Variants in LIMCH1 observed in about 807,000 individuals in gnomAD.
LIMCH1 encodes the protein LIM and calponin homology domains 1, also known as LIM and calponin homology domains-containing protein 1.
A neutral mutation model predicts 176.5 loss-of-function variants in LIMCH1; 113 were observed. The ratio of observed to expected loss-of-function variants is 0.64; its 90% confidence interval spans 0.55 to 0.75. The LOEUF (loss-of-function observed/expected upper bound fraction) is 0.75, where lower values mean the gene tolerates loss of function less well. Ranked by LOEUF, LIMCH1 falls within the 30% of genes least tolerant of loss-of-function variation. The pLI is 0.00. For synonymous variants in LIMCH1, 619 were observed against 645.9 expected (o/e 0.96, Z 0.63); for missense variants, 1,674 against 1,814.9 (o/e 0.92, Z 1.41).
intron 1 of LIMCH1, among the ~76,000 whole-genome samples, chr4:41,363,271 G>A (rs2052428337): frequency 6.6e-6 from 1 of 152,158 alleles, no homozygotes; most frequent in African/African-American, 2.4e-5. Context: ...TAGGGGCAGT[G>A]AATCCCCGGG....
In LIMCH1 at chr4:41,441,046, T is replaced by A. The variant is rs144458941; in HGVS notation, c.97-53490T>A. Reference sequence around the variant, plus strand: ...CTGTTTCATGGTATGGAGATCTCTTTCCCTTGGTATTGCATGTGTAGGTAT... The same window carrying A: ...CTGTTTCATGGTATGGAGATCTCTTACCCTTGGTATTGCATGTGTAGGTAT... On this transcript the variant is annotated intron_variant, in intron 1 of 26. Coordinates refer to the LIMCH1 transcript ENST00000313860. Among the ~76,000 whole-genome samples, 322 of 152,302 alleles carry A rather than the reference T, an allele frequency of 2.1e-3. 1 individual carries two copies. Among genetic ancestry groups the A allele is most frequent in the African/African-American group, 7.0e-3 (290 of 41,556 alleles).
At chr4:41,439,369 T>A (rs2154140494) in intron 1 of LIMCH1, among the ~76,000 whole-genome samples, 1 of 152,294 alleles carries the variant, frequency 6.6e-6, no homozygotes, top group East Asian at 1.9e-4. Context: ...ATGGATCGCT[T>A]GAGCCCAGGA....
chr4:41,612,935 T>C (rs2091617811), intron 4 of LIMCH1: 2 of 1,498,996 alleles, frequency 1.3e-6, no homozygotes, highest in Admixed American at 2.3e-5. Flanking sequence ...TAGCAGGAGA[T>C]GAACGCGTGC....
intron 23 of LIMCH1, among the ~76,000 whole-genome samples, chr4:41,676,933 T>G (rs2095237176): frequency 6.6e-6 from 1 of 151,926 alleles, no homozygotes; most frequent in African/African-American, 2.4e-5. Flanking sequence ...GAGGCCGATG[T>G]GAGTGCATCA....
chr4:41,630,043 G>A (rs1388530665), intron 9 of LIMCH1, among the ~76,000 whole-genome samples: 1 of 151,910 alleles, frequency 6.6e-6, no homozygotes, highest in African/African-American at 2.4e-5. Context: ...TGGGCTCAAG[G>A]GATCCTCCCA....
At chr4:41,542,693 T>C (rs1444231623) in intron 1 of LIMCH1, among the ~76,000 whole-genome samples, 2 of 152,190 alleles carry the variant, frequency 1.3e-5, no homozygotes, top group Non-Finnish European at 2.9e-5. Context: ...CACGTTGATA[T>C]TTCAATTGTT....
chr4:41,564,562 C>G (rs1295766085), intron 1 of LIMCH1, among the ~76,000 whole-genome samples: 2 of 151,990 alleles, frequency 1.3e-5, no homozygotes, highest in African/African-American at 4.8e-5. Flanking sequence ...GGATATGATC[C>G]CTGTTTTGTC....
intron 7 of LIMCH1, 103 bp downstream of exon 7, chr4:41,620,793 G>A (rs1051491825): frequency 3.4e-5 from 45 of 1,309,322 alleles, no homozygotes; most frequent in Non-Finnish European, 3.7e-5. Flanking sequence ...TCCACTTCCC[G>A]CTTTTCCTAT....
intron 1 of LIMCH1, among the ~76,000 whole-genome samples, chr4:41,581,112 G>GTCTATCTATCTATCTATCTATCTA (rs1554109824): frequency 5.5e-4 from 73 of 132,986 alleles, no homozygotes; most frequent in Middle Eastern, 3.8e-3. Context: ...CTGTCTGTCT[G>GTCTATCTATCTATCTATCTATCTA]TCTATCTATC....
chr4:41,533,412 A>G (rs528590957), upstream of LIMCH1, among the ~76,000 whole-genome samples: 8 of 152,330 alleles, frequency 5.3e-5, no homozygotes, highest in Non-Finnish European at 8.8e-5. Context: ...GTATCCGTCT[A>G]TTGAGCAGCC....
chr4:41,634,142 G>T (rs2093463138), intron 13 of LIMCH1, among the ~76,000 whole-genome samples: 1 of 152,174 alleles, frequency 6.6e-6, no homozygotes, highest in African/African-American at 2.4e-5. Flanking sequence ...TTGATTCCAG[G>T]TCCAAAGAAG....
chr4:41,626,415 A>T (rs2092955016), intron 7 of LIMCH1, among the ~76,000 whole-genome samples: 1 of 152,172 alleles, frequency 6.6e-6, no homozygotes, highest in Non-Finnish European at 1.5e-5. Context: ...AATTTCATGC[A>T]AAGAATCTGC....
chr4:41,610,962 C>T (rs773607440), intron 4 of LIMCH1, among the ~76,000 whole-genome samples: 1 of 152,128 alleles, frequency 6.6e-6, no homozygotes, highest in Non-Finnish European at 1.5e-5. Context: ...TGAGCAAAGA[C>T]GTAACTCTGA....
At chr4:41,450,374 A>G (rs547235806) in intron 1 of LIMCH1, among the ~76,000 whole-genome samples, 2 of 152,290 alleles carry the variant, frequency 1.3e-5, no homozygotes, top group South Asian at 2.1e-4. Context: ...GGTAAATCAC[A>G]TTAGGGAAGG....
chr4:41,535,180 A>AAAAAAG (rs2077763380), upstream of LIMCH1, among the ~76,000 whole-genome samples: 1 of 142,390 alleles, frequency 7.0e-6, no homozygotes, highest in African/African-American at 2.8e-5. Flanking sequence ...AAAAAAAAAA[A>AAAAAAG]AAAAGAAAAG....
chr4:41,588,153 T>G (rs1377172305), intron 1 of LIMCH1, among the ~76,000 whole-genome samples: 1 of 152,104 alleles, frequency 6.6e-6, no homozygotes, highest in Non-Finnish European at 1.5e-5. Flanking sequence ...TTCTCATTGT[T>G]CAATTCCCAC....
chr4:41,501,970 T>C (rs1168995262), intron 2 of LIMCH1, among the ~76,000 whole-genome samples: 1 of 149,866 alleles, frequency 6.7e-6, no homozygotes. Context: ...ATGTGTGCCA[T>C]GGTGGTTTGC....
intron 1 of LIMCH1, among the ~76,000 whole-genome samples, chr4:41,487,605 G>T (rs1449480011): frequency 6.6e-6 from 1 of 150,868 alleles, no homozygotes; most frequent in Non-Finnish European, 1.5e-5. Context: ...ATTTTAAGTG[G>T]TACATGAACA....
At chr4:41,565,347 A>ACACG (rs1491534866) in intron 1 of LIMCH1, among the ~76,000 whole-genome samples, 1 of 51,954 alleles carries the variant, frequency 1.9e-5, no homozygotes, top group Non-Finnish European at 3.4e-5. Flanking sequence ...TATTTCGGAT[A>ACACG]CACACACACA....
Sources: gnomAD v4.1 joint callset for allele counts (sites outside exome capture counted in the v4.1 genomes callset) on GRCh38, gnomAD v4.1.1 for gene constraint, MANE v1.5 for transcripts, NCBI Gene and HGNC (gene_info 2026-07-23, HGNC 2026-07-21) for gene names.